The following SORCS2 variants were observed in gnomAD, a reference collection of about 807,000 sequenced individuals.
The protein encoded by SORCS2 is VPS10 domain-containing receptor SorCS2.
A neutral mutation model predicts 141.6 loss-of-function variants in SORCS2; 100 were observed. The observed-to-expected ratio is 0.71, with a 90% CI of 0.60 to 0.83. SORCS2 has a LOEUF of 0.83. Among genes scored for constraint, SORCS2 ranks in the 40% least tolerant of loss-of-function variants. The pLI, the probability that SORCS2 is intolerant of heterozygous loss-of-function variation, is 0.00. For synonymous variants in SORCS2, 789 were observed against 676.9 expected, an observed-to-expected ratio of 1.17 and a Z score of -2.57; for missense variants, 1,646 against 1,560.2, an observed-to-expected ratio of 1.05 and a Z score of -0.93.
At chr4:7,413,142 C>A (rs1424950582) in intron 2 of SORCS2, among the ~76,000 whole-genome samples, 2 of 152,034 alleles carry the variant, frequency 1.3e-5, no homozygotes, top group Non-Finnish European at 2.9e-5. Flanking sequence ...AAATCCCTCT[C>A]CAGAAAAATT....
intron 3 of SORCS2, among the ~76,000 whole-genome samples, chr4:7,616,046 G>A (rs1718735510): frequency 6.6e-6 from 1 of 152,098 alleles, no homozygotes; most frequent in Non-Finnish European, 1.5e-5. Flanking sequence ...AATATAACTG[G>A]GTGTCCTATA....
rs181647190 is a variant in SORCS2 at position 7,379,580 on chromosome 4, C to G, written c.481-16708C>G. Among the ~76,000 whole-genome samples, 127 of 152,328 alleles carry G rather than the reference C, an allele frequency of 8.3e-4. No homozygotes were observed. In the Middle Eastern group the frequency reaches 0.024, roughly 29 times the overall value. On this transcript the variant is annotated intron_variant, in intron 1 of 26. Transcript: ENST00000507866. ...CAGTTCCCCCACTAAACACCCTTCA[C>G]AATAGACACGCGGATACTATGGGTG...
chr4:7,458,022 T>C (rs923874135), intron 2 of SORCS2, among the ~76,000 whole-genome samples: 1 of 152,154 alleles, frequency 6.6e-6, no homozygotes, highest in African/African-American at 2.4e-5. Context: ...ATGTCCTGGT[T>C]ACCCCAAAAC....
intron 1 of SORCS2, among the ~76,000 whole-genome samples, chr4:7,391,128 C>G (rs963720356): frequency 5.9e-5 from 9 of 152,216 alleles, no homozygotes; most frequent in Admixed American, 4.6e-4. Context: ...CACCCTGCAT[C>G]ACACCCTCTT....
rs1318439077 is a variant in SORCS2 at position 7,703,200 on chromosome 4, TC to T, written c.1669-78del. 3.4e-6 allele frequency: 4 copies of T among 1,159,932 alleles called. No individual in the cohort carries two copies. The Admixed American group carries it at 1.0e-4, about 29-fold the overall frequency. 71.9% of individuals were successfully genotyped at this position (1,159,932 alleles called of 1,614,324 possible). On this transcript the variant is annotated intron_variant, in intron 12 of 26. Coordinates refer to ENST00000507866, the MANE Select transcript of SORCS2 (RefSeq NM_020777.3). Reference sequence around the variant, plus strand: ...ACCCCCGGCTGCACATTGACAACCCTCCTCCCAGGAGCCGCTCAGCCTGGAA... The same window carrying T: ...ACCCCCGGCTGCACATTGACAACCCTCTCCCAGGAGCCGCTCAGCCTGGAA...
intron 2 of SORCS2, among the ~76,000 whole-genome samples, chr4:7,493,795 T>C (rs1334056143): frequency 6.6e-6 from 1 of 152,250 alleles, no homozygotes; most frequent in East Asian, 1.9e-4. Flanking sequence ...TGGATGGGTC[T>C]AGCTAGATGT....
intron 3 of SORCS2, among the ~76,000 whole-genome samples, chr4:7,611,640 G>A (rs934230094): frequency 2.6e-5 from 4 of 152,218 alleles, no homozygotes; most frequent in Non-Finnish European, 5.9e-5. Context: ...TTGTTTCCAC[G>A]TAGCCGCAGG....
At chr4:7,211,735 G>C (rs182368753) in intron 1 of SORCS2, among the ~76,000 whole-genome samples, 17 of 152,276 alleles carry the variant, frequency 1.1e-4, no homozygotes, top group Admixed American at 1.1e-3. Flanking sequence ...CAGACCATTA[G>C]GGAAGATGCA....
At chr4:7,265,129 G>T (rs6826089) in intron 1 of SORCS2, among the ~76,000 whole-genome samples, 49,541 of 152,128 alleles carry the variant, frequency 0.33, 12,829 homozygotes, top group African/African-American at 0.71. Flanking sequence ...CCGTAACTAA[G>T]GACCACAGAC....
intron 3 of SORCS2, among the ~76,000 whole-genome samples, chr4:7,592,404 A>C (rs1716980671): frequency 1.3e-5 from 2 of 152,164 alleles, no homozygotes. Flanking sequence ...AAACGGGAGA[A>C]AGTCTCAGTG....
intron 3 of SORCS2, among the ~76,000 whole-genome samples, chr4:7,578,155 G>A (rs1366253757): frequency 1.3e-5 from 2 of 152,202 alleles, no homozygotes; most frequent in Non-Finnish European, 2.9e-5. Context: ...TGGTTACCAC[G>A]AGAGCAGGTT....
At chr4:7,222,560 G>A (rs181116785) in intron 1 of SORCS2, among the ~76,000 whole-genome samples, 14 of 152,334 alleles carry the variant, frequency 9.2e-5, no homozygotes, top group African/African-American at 2.4e-4. Flanking sequence ...GTGTGCGGGG[G>A]TCTGTGAATA....
chr4:7,221,878 G>T (rs1035191591), intron 1 of SORCS2, among the ~76,000 whole-genome samples: 1 of 152,104 alleles, frequency 6.6e-6, no homozygotes, highest in African/African-American at 2.4e-5. Context: ...AGGAGGCACT[G>T]GTTCAATATG....
chr4:7,397,465 G>C (rs1276298104), intron 2 of SORCS2, among the ~76,000 whole-genome samples: 1 of 152,000 alleles, frequency 6.6e-6, no homozygotes, highest in Non-Finnish European at 1.5e-5. Context: ...AGCTCTTCTC[G>C]GTGTGGATTC....
intron 4 of SORCS2, among the ~76,000 whole-genome samples, chr4:7,640,260 G>A (rs1232632159): frequency 6.6e-6 from 1 of 150,428 alleles, no homozygotes; most frequent in Non-Finnish European, 1.5e-5. Context: ...GAGTGTGTAT[G>A]TATGTGAGCA....
At chr4:7,207,179 G>A (rs1577275075) in intron 1 of SORCS2, among the ~76,000 whole-genome samples, 6 of 152,344 alleles carry the variant, frequency 3.9e-5, no homozygotes, top group Admixed American at 6.5e-5. Flanking sequence ...AGGGAGCCCC[G>A]AAAATGGCCT....
At chr4:7,402,084 G>A (rs966203780) in intron 2 of SORCS2, among the ~76,000 whole-genome samples, 78 of 152,146 alleles carry the variant, frequency 5.1e-4, no homozygotes, top group Non-Finnish European at 2.4e-4. Context: ...TGGTGAGCAG[G>A]AATAATGTAG....
chr4:7,428,384 T>A (rs1228194186), intron 2 of SORCS2, among the ~76,000 whole-genome samples: 1 of 152,182 alleles, frequency 6.6e-6, no homozygotes, highest in African/African-American at 2.4e-5. Flanking sequence ...CATGCTGGGC[T>A]CTGTCTTGGT....
intron 2 of SORCS2, among the ~76,000 whole-genome samples, chr4:7,480,969 G>A (rs1419341243): frequency 2.6e-5 from 4 of 152,260 alleles, no homozygotes; most frequent in Non-Finnish European, 5.9e-5. Flanking sequence ...ATAGGCCTGT[G>A]AGGTGACAGG....
Sources: gnomAD v4.1 joint callset for allele counts (sites outside exome capture counted in the v4.1 genomes callset) on GRCh38, gnomAD v4.1.1 for gene constraint, MANE v1.5 for transcripts, NCBI Gene and HGNC (gene_info 2026-07-23, HGNC 2026-07-21) for gene names.